LARS2: variants seen among roughly 807,000 people sequenced by gnomAD.
The protein encoded by LARS2 is leucyl-tRNA synthetase 2, mitochondrial.
Under a neutral mutation model 116.6 loss-of-function variants are expected in LARS2, and 81 were observed. That is an observed-to-expected ratio of 0.69 (90% CI 0.58 to 0.84). The LOEUF (loss-of-function observed/expected upper bound fraction) is 0.84, where lower values mean the gene tolerates loss of function less well. LARS2 is among the 40% of genes least tolerant of loss of function. The pLI is 0.00. For missense variants in LARS2, 968 were observed against 1,114.5 expected (o/e 0.87, Z 1.87); for synonymous variants, 396 against 407.2 (o/e 0.97, Z 0.33).
intron 2 of LARS2, among the ~76,000 whole-genome samples, chr3:45,393,927 G>C (rs561189888): frequency 6.6e-6 from 1 of 152,288 alleles, no homozygotes; most frequent in Non-Finnish European, 1.5e-5. Context: ...CAGCCTACAG[G>C]GTATATTTAA....
At chr3:45,426,465 A>G (rs1698596683) in intron 6 of LARS2, among the ~76,000 whole-genome samples, 1 of 152,250 alleles carries the variant, frequency 6.6e-6, no homozygotes, top group Admixed American at 6.5e-5. Flanking sequence ...CCTCAGAGTC[A>G]GAAATTAACC....
intron 14 of LARS2, among the ~76,000 whole-genome samples, chr3:45,499,305 G>T (rs1297661912): frequency 2.0e-5 from 3 of 152,150 alleles, no homozygotes; most frequent in Non-Finnish European, 4.4e-5. Flanking sequence ...AGCCTGGTGT[G>T]GTGTCAGGCA....
rs565013834 is a variant in LARS2, at chr3:45,542,574, A to G, written c.2532+618A>G. 2.0e-5 allele frequency among the ~76,000 whole-genome samples: 3 copies of G among 152,330 alleles called. No homozygotes were observed. The South Asian group carries it at 6.2e-4, about 32-fold the overall frequency. The stretch of plus-strand genomic sequence containing the variant: ...TTAAATATGCTGATGTGTCTGAAGA[A>G]AAAAAGAGGACAGGGAGTAGACTTG... On this transcript the variant is annotated intron_variant, in intron 21 of 21. Transcript: ENST00000645846.
intron 3 of LARS2, among the ~76,000 whole-genome samples, chr3:45,398,195 CT>C (rs1698084064): frequency 6.6e-6 from 1 of 152,196 alleles, no homozygotes; most frequent in Admixed American, 6.5e-5. Flanking sequence ...AAAAGTTCTA[CT>C]CTAGTTTTTG....
In LARS2 at chr3:45,458,720, A is replaced by C. The variant is rs929629645; in HGVS notation, c.607-23A>C. 3.1e-6 allele frequency: 5 copies of C among 1,612,490 alleles called. No individual in the cohort carries two copies. The Admixed American group carries it at 6.7e-5, about 22-fold the overall frequency. ...AAAAGAGTACTCACCAGATTGTGCC[A>C]TTTTGTTTCATGAATTATACAGGCC... On this transcript the variant is annotated intron_variant, in intron 7 of 21. Coordinates refer to ENST00000645846, the MANE Select transcript of LARS2 (RefSeq NM_015340.4).
At chr3:45,459,317 T>C (rs2125710646) in intron 8 of LARS2, among the ~76,000 whole-genome samples, 1 of 152,334 alleles carries the variant, frequency 6.6e-6, no homozygotes. Flanking sequence ...TTATTAACTT[T>C]GGTGCATGTC....
intron 6 of LARS2, chr3:45,422,020 T>C (rs1283167469): frequency 6.6e-6 from 1 of 152,160 alleles, no homozygotes; most frequent in Non-Finnish European, 1.5e-5. Context: ...AGTCGAAAAA[T>C]TGTTAAGGCA....
intron 6 of LARS2, among the ~76,000 whole-genome samples, chr3:45,420,999 A>G (rs190218125): frequency 2.6e-5 from 4 of 152,332 alleles, no homozygotes; most frequent in Non-Finnish European, 5.9e-5. Context: ...CAAAGTTCAA[A>G]TCAATATGCA....
chr3:45,423,500 C>T (rs959986379), intron 6 of LARS2, among the ~76,000 whole-genome samples: 2 of 151,988 alleles, frequency 1.3e-5, no homozygotes, highest in South Asian at 2.1e-4. Context: ...GTTGAAGAGA[C>T]GGGGTTCTGC....
chr3:45,529,668 G>A (rs1357785390), intron 20 of LARS2, among the ~76,000 whole-genome samples: 6 of 152,122 alleles, frequency 3.9e-5, no homozygotes, highest in African/African-American at 1.2e-4. Flanking sequence ...GGCTTTTGAT[G>A]CACACTCTCA....
At chr3:45,526,180 G>T (rs1700528564) in intron 20 of LARS2, among the ~76,000 whole-genome samples, 2 of 152,256 alleles carry the variant, frequency 1.3e-5, no homozygotes, top group East Asian at 3.9e-4. Flanking sequence ...TTTTGAGTCC[G>T]ATTTATGTTA....
intron 21 of LARS2, among the ~76,000 whole-genome samples, chr3:45,544,796 G>C (rs1700852460): frequency 6.6e-6 from 1 of 152,172 alleles, no homozygotes; most frequent in Admixed American, 6.5e-5. Flanking sequence ...AAAAGGACAG[G>C]CAGCTTTGGC....
At chr3:45,512,245 C>T (rs11130067) in intron 15 of LARS2, among the ~76,000 whole-genome samples, 121,600 of 152,148 alleles carry the variant, frequency 0.8, 52,802 homozygotes, top group East Asian at 0.98. Context: ...AGTGCTCCTA[C>T]CTGATACCCT....
At chr3:45,400,192 A>G (rs892016128) in intron 3 of LARS2, 53 bp from the exon 4 acceptor site, 9 of 1,563,212 alleles carry the variant, frequency 5.8e-6, no homozygotes, top group Non-Finnish European at 7.9e-6. Flanking sequence ...TTATGTATAC[A>G]TGCAGAGTTC....
rs1336965199 is a variant in LARS2, at chr3:45,547,772, C to T, written c.*242C>T. Reference sequence around the variant, plus strand: ...TGAGGAGGGGGTTGGACATCCTGCCCCTCACCCCCCACCCACACTGCAGGT... The same window carrying T: ...TGAGGAGGGGGTTGGACATCCTGCCTCTCACCCCCCACCCACACTGCAGGT... On this transcript the variant is annotated 3_prime_UTR_variant, in exon 22 of 22. Transcript: ENST00000645846. 2 of 420,850 alleles carry T rather than the reference C, an allele frequency of 4.8e-6. No individual in the cohort carries two copies. Among genetic ancestry groups the T allele is most frequent in the African/African-American group, 2.1e-5 (1 of 48,726 alleles). 26.1% of individuals were successfully genotyped at this position (420,850 alleles called of 1,614,324 possible). A position where few individuals can be genotyped will look rare whatever the true frequency, so the allele number is the denominator to read the frequency against.
intron 13 of LARS2, among the ~76,000 whole-genome samples, chr3:45,494,089 G>A (rs896770654): frequency 1.3e-5 from 2 of 152,160 alleles, no homozygotes; most frequent in African/African-American, 4.8e-5. Context: ...GTGGTAGGAA[G>A]CTGGGTTCCC....
intron 20 of LARS2, among the ~76,000 whole-genome samples, chr3:45,536,448 A>C (rs1397152902): frequency 1.3e-5 from 2 of 152,122 alleles, no homozygotes; most frequent in Non-Finnish European, 2.9e-5. Flanking sequence ...CACACACCTA[A>C]CCAGATCCAA....
chr3:45,442,358 A>C (rs1698927713), intron 6 of LARS2, among the ~76,000 whole-genome samples: 1 of 152,164 alleles, frequency 6.6e-6, no homozygotes, highest in Non-Finnish European at 1.5e-5. Flanking sequence ...CTCATAGATG[A>C]TCTTTAAACG....
At chr3:45,456,312 G>T (rs376900344) in intron 7 of LARS2, among the ~76,000 whole-genome samples, 2 of 152,178 alleles carry the variant, frequency 1.3e-5, no homozygotes, top group East Asian at 1.9e-4. Context: ...ACTGGGTGTG[G>T]TGACTCACGC....
Sources: allele counts gnomAD v4.1 joint callset (sites outside exome capture counted in the v4.1 genomes callset), GRCh38; gene constraint gnomAD v4.1.1; transcripts MANE v1.5; gene names NCBI Gene and HGNC (gene_info 2026-07-23, HGNC 2026-07-21).